The following MDGA2 variants were observed in gnomAD, a reference collection of about 807,000 sequenced individuals.
The protein encoded by MDGA2 is MAM domain containing glycosylphosphatidylinositol anchor 2.
A neutral mutation model predicts 117.8 loss-of-function variants in MDGA2; 40 were observed. The observed-to-expected ratio is 0.34, with a 90% CI of 0.26 to 0.44. The LOEUF (loss-of-function observed/expected upper bound fraction) is 0.44. Ranked by LOEUF, MDGA2 falls within the 20% of genes least tolerant of loss-of-function variation. MDGA2 has a pLI of 1.00. For missense variants in MDGA2, 1,123 were observed against 1,250.6 expected, an observed-to-expected ratio of 0.90 and a Z score of 1.54; for synonymous variants, 452 against 439.0, an observed-to-expected ratio of 1.03 and a Z score of -0.37.
At chr14:47,357,631 C>T (rs887606447) in intron 1 of MDGA2, among the ~76,000 whole-genome samples, 11 of 152,176 alleles carry the variant, frequency 7.2e-5, no homozygotes, top group African/African-American at 2.7e-4. Context: ...CAGTCAAGTC[C>T]ACTATACCTC....
intron 1 of MDGA2, among the ~76,000 whole-genome samples, chr14:47,363,656 T>C: frequency 6.6e-6 from 1 of 152,066 alleles, no homozygotes; most frequent in Non-Finnish European, 1.5e-5. Context: ...GTAAATGGAT[T>C]GGTAATCATT....
At chr14:47,199,132 T>A (rs1885397407) in intron 3 of MDGA2, among the ~76,000 whole-genome samples, 1 of 151,982 alleles carries the variant, frequency 6.6e-6, no homozygotes, top group Non-Finnish European at 1.5e-5. Context: ...TTCAGACTTG[T>A]CAGCTCCCAC....
chr14:47,582,418 T>C (rs1044989562), intron 1 of MDGA2, among the ~76,000 whole-genome samples: 3 of 151,950 alleles, frequency 2.0e-5, no homozygotes, highest in Admixed American at 2.0e-4. Flanking sequence ...ATATTTACAC[T>C]GAAATTATTT....
intron 7 of MDGA2, 127 bp from the exon 8 acceptor site, chr14:47,035,431 C>A (rs569967715): frequency 7.4e-5 from 54 of 725,594 alleles, no homozygotes; most frequent in African/African-American, 6.9e-4. Context: ...TGATCAAAAA[C>A]CTTGGGAATA....
At chr14:47,323,148 G>GGATATATA (rs1890031497) in intron 1 of MDGA2, among the ~76,000 whole-genome samples, 1 of 47,406 alleles carries the variant, frequency 2.1e-5, no homozygotes, top group Non-Finnish European at 4.1e-5. Flanking sequence ...AAAGAGTCAT[G>GGATATATA]GATATATATA....
chr14:47,276,379 C>A (rs994274819), intron 2 of MDGA2, among the ~76,000 whole-genome samples: 14 of 152,104 alleles, frequency 9.2e-5, no homozygotes, highest in Non-Finnish European at 1.9e-4. Context: ...GAAATAAATA[C>A]TTGTGCAAAT....
chr14:47,126,480 A>G (rs1881909453), intron 5 of MDGA2, among the ~76,000 whole-genome samples: 2 of 152,092 alleles, frequency 1.3e-5, no homozygotes, highest in South Asian at 4.1e-4. Flanking sequence ...AAGAAATGGG[A>G]GTCAACAAAT....
chr14:47,475,354 G>C (rs1379358243), intron 1 of MDGA2, among the ~76,000 whole-genome samples: 1 of 152,140 alleles, frequency 6.6e-6, no homozygotes, highest in Admixed American at 6.6e-5. Flanking sequence ...GGAGAAAAAG[G>C]AACACTTTTA....
At chr14:47,469,488 C>A (rs1893675441) in intron 1 of MDGA2, among the ~76,000 whole-genome samples, 1 of 152,172 alleles carries the variant, frequency 6.6e-6, no homozygotes, top group South Asian at 2.1e-4. Context: ...AAGAACTCAT[C>A]ATTTTTATGG....
chr14:47,262,065 G>GTGAT (rs1194958610), intron 2 of MDGA2, among the ~76,000 whole-genome samples: 1 of 152,112 alleles, frequency 6.6e-6, no homozygotes. Context: ...ACAGGGAGCT[G>GTGAT]TGATTACCCA....
Position 47,053,065 on chromosome 14 carries a change from C to T in MDGA2, c.1525+8184G>A, listed in dbSNP as rs544236863. ...CAATCATTCACATTTATTTTCATGC[C>T]GGTGAAGAAGTACTGAAGGCTGTGA... On this transcript the variant is annotated intron_variant, in intron 7 of 16. Coordinates refer to ENST00000399232, the MANE Select transcript of MDGA2 (RefSeq NM_001113498.3). Among the ~76,000 whole-genome samples the T allele has an allele frequency of 7.9e-5, 12 of 151,908 alleles. No homozygotes were observed. The South Asian group carries it at 8.3e-4, about 11-fold the overall frequency.
At chr14:47,467,249 T>G (rs1024826918) in intron 1 of MDGA2, among the ~76,000 whole-genome samples, 1 of 152,078 alleles carries the variant, frequency 6.6e-6, no homozygotes, top group African/African-American at 2.4e-5. Context: ...TTTACCCTCA[T>G]CAAAGACTAA....
chr14:46,937,059 A>G (rs1884808644), intron 9 of MDGA2, among the ~76,000 whole-genome samples: 1 of 152,170 alleles, frequency 6.6e-6, no homozygotes, highest in African/African-American at 2.4e-5. Flanking sequence ...CTCTACCAAA[A>G]AAACTCTTAG....
intron 1 of MDGA2, among the ~76,000 whole-genome samples, chr14:47,388,438 T>G (rs1891809048): frequency 6.6e-6 from 1 of 152,204 alleles, no homozygotes; most frequent in Non-Finnish European, 1.5e-5. Flanking sequence ...GGCTTCCTTC[T>G]GCTTTTGTGC....
chr14:47,607,139 C>T (rs1341299215), intron 1 of MDGA2, among the ~76,000 whole-genome samples: 1 of 152,002 alleles, frequency 6.6e-6, no homozygotes, highest in African/African-American at 2.4e-5. Flanking sequence ...GGAAAAAAAC[C>T]TATGGTTCTC....
chr14:47,060,594 C>G (rs979054508), intron 7 of MDGA2, among the ~76,000 whole-genome samples: 1 of 151,986 alleles, frequency 6.6e-6, no homozygotes, highest in East Asian at 1.9e-4. Flanking sequence ...CCACCAAATC[C>G]CTGTAATTTT....
At chr14:47,661,746 CTTTTTTTT>C (rs1172717995) in intron 1 of MDGA2, among the ~76,000 whole-genome samples, 1 of 97,192 alleles carries the variant, frequency 1.0e-5, no homozygotes, top group Non-Finnish European at 1.9e-5. Context: ...ATCAGAGTTT[CTTTTTTTT>C]TTTTTTTTTT....
At chr14:47,256,178 T>C (rs1170775153) in intron 2 of MDGA2, among the ~76,000 whole-genome samples, 2 of 150,750 alleles carry the variant, frequency 1.3e-5, no homozygotes, top group African/African-American at 4.9e-5. Flanking sequence ...CAACCTATAA[T>C]ACCTTCCTTT....
In MDGA2 at chr14:47,252,304, T is replaced by C. The variant is rs1474601828; in HGVS notation, c.421-34109A>G. On this transcript the variant is annotated intron_variant, in intron 2 of 16. Transcript: ENST00000399232. The stretch of plus-strand genomic sequence containing the variant: ...AATAAGAAATAAATTACTAATTTTA[T>C]TCAGGCAAACCACTTTCAGAACAGA... Among the ~76,000 whole-genome samples, 3 of 152,198 alleles carry C rather than the reference T, an allele frequency of 2.0e-5. No individual in the cohort carries two copies. In the East Asian group the frequency reaches 5.8e-4, roughly 29 times the overall value.
Sources: gnomAD v4.1 joint callset for allele counts (sites outside exome capture counted in the v4.1 genomes callset) on GRCh38, gnomAD v4.1.1 for gene constraint, MANE v1.5 for transcripts, NCBI Gene and HGNC (gene_info 2026-07-23, HGNC 2026-07-21) for gene names.